Variants in BDNF observed in about 807,000 individuals in gnomAD.
The protein encoded by BDNF is brain derived neurotrophic factor.
BDNF carries 1 observed loss-of-function variant against 19.5 expected under a neutral mutation model. The observed-to-expected ratio is 0.05, with a 90% confidence interval of 0.02 to 0.24. The LOEUF (loss-of-function observed/expected upper bound fraction) is 0.24. Ranked by LOEUF, BDNF falls within the 10% of genes least tolerant of loss-of-function variation. The pLI is 1.00. For missense variants in BDNF, 195 were observed against 317.6 expected (o/e 0.61, Z 2.93); for synonymous variants, 100 against 121.6 (o/e 0.82, Z 1.17).
chr11:27,679,719 TA>T (rs1340683573), intron 1 of BDNF, among the ~76,000 whole-genome samples: 1 of 152,156 alleles, frequency 6.6e-6, no homozygotes, highest in Non-Finnish European at 1.5e-5. Flanking sequence ...AAACAATTCT[TA>T]AAAAACTATT....
At chr11:27,721,467 C>A in exon 1 of BDNF, 1 of 1,605,976 alleles carries the variant, frequency 6.2e-7, no homozygotes, top group Non-Finnish European at 8.5e-7. Context: ...GTCTCCCCAA[C>A]AGATGCTGGA....
chr11:27,673,118 T>G (rs1204653267), intron 1 of BDNF, among the ~76,000 whole-genome samples: 1 of 152,052 alleles, frequency 6.6e-6, no homozygotes, highest in Non-Finnish European at 1.5e-5. Context: ...AAAAGTACAG[T>G]GTAAACACAG....
At chr11:27,659,561 C>T (rs1480131464) in intron 1 of BDNF, 1 of 1,000,190 alleles carries the variant, frequency 1.0e-6, no homozygotes, top group Non-Finnish European at 1.2e-6. Flanking sequence ...CACTCCTTGG[C>T]TTTTTCTGGC....
At chr11:27,715,991 A>C (rs1465816376) in intron 1 of BDNF, among the ~76,000 whole-genome samples, 1 of 152,184 alleles carries the variant, frequency 6.6e-6, no homozygotes, top group Admixed American at 6.5e-5. Context: ...AAAAAAATCC[A>C]CCTGAATTTT....
intron 1 of BDNF, among the ~76,000 whole-genome samples, chr11:27,669,814 T>G (rs570867177): frequency 7.2e-5 from 11 of 152,242 alleles, no homozygotes; most frequent in African/African-American, 2.6e-4. Context: ...ATCAATATCA[T>G]GAAAATGGCC....
At chr11:27,700,912 C>G (rs376019229), upstream of BDNF, 1,391 of 1,325,692 alleles carry the variant, frequency 1.0e-3, 1 homozygote, top group Non-Finnish European at 1.2e-3. Context: ...CCCTTCCTCC[C>G]CATCCCAGCA....
intron 1 of BDNF, chr11:27,660,420 C>T: frequency 3.4e-6 from 1 of 297,056 alleles, no homozygotes; most frequent in Non-Finnish European, 6.3e-6. Context: ...CCGCTAACAA[C>T]TAAATCTTTG....
chr11:27,701,173 A>T (rs1859877294), upstream of BDNF: 1 of 1,205,054 alleles, frequency 8.3e-7, no homozygotes, highest in South Asian at 1.3e-5. Context: ...GCCCCCAGAT[A>T]ACGTTACACC....
intron 1 of BDNF, among the ~76,000 whole-genome samples, chr11:27,665,574 C>T (rs1393483169): frequency 6.6e-6 from 1 of 152,204 alleles, no homozygotes; most frequent in Non-Finnish European, 1.5e-5. Flanking sequence ...CACCCTAATA[C>T]TGTGCTTTTC....
intron 1 of BDNF, among the ~76,000 whole-genome samples, chr11:27,709,351 A>T (rs769740223): frequency 7.2e-5 from 11 of 152,198 alleles, no homozygotes; most frequent in Non-Finnish European, 1.6e-4. Context: ...GTGTCTCAAT[A>T]GTCATAAAGT....
At chr11:27,716,835 G>C (rs796593435) in intron 1 of BDNF, among the ~76,000 whole-genome samples, 3 of 152,142 alleles carry the variant, frequency 2.0e-5, no homozygotes, top group Admixed American at 6.5e-5. Flanking sequence ...CAGATTGTAA[G>C]CAATATGATC....
intron 1 of BDNF, among the ~76,000 whole-genome samples, chr11:27,680,214 C>T (rs1590348894): frequency 6.6e-6 from 1 of 152,234 alleles, no homozygotes; most frequent in East Asian, 1.9e-4. Flanking sequence ...ACCCAAAAAC[C>T]AACAATACAG....
intron 1 of BDNF, among the ~76,000 whole-genome samples, chr11:27,663,278 T>C (rs749542692): frequency 3.3e-5 from 5 of 152,260 alleles, no homozygotes; most frequent in Non-Finnish European, 7.3e-5. Context: ...AATAAATTCA[T>C]TGATGCTGTC....
chr11:27,691,512 CACAT>C (rs1159117793), intron 1 of BDNF, among the ~76,000 whole-genome samples: 1 of 152,178 alleles, frequency 6.6e-6, no homozygotes, highest in Non-Finnish European at 1.5e-5. Context: ...CACGCAAGAA[CACAT>C]ACAAACTATA....
At chr11:27,681,797 A>G (rs1313418427) in intron 1 of BDNF, among the ~76,000 whole-genome samples, 1 of 152,182 alleles carries the variant, frequency 6.6e-6, no homozygotes, top group African/African-American at 2.4e-5. Flanking sequence ...AGCATTTACT[A>G]TGCCAAGCAC....
intron 1 of BDNF, among the ~76,000 whole-genome samples, chr11:27,661,950 C>T (rs769048916): frequency 6.6e-6 from 1 of 152,180 alleles, no homozygotes; most frequent in Admixed American, 6.5e-5. Context: ...GCCTTCCTTC[C>T]CTAAAATTCC....
At chr11:27,701,988 G>T (rs1470205098), upstream of BDNF, among the ~76,000 whole-genome samples, 7 of 92,398 alleles carry the variant, frequency 7.6e-5, no homozygotes, top group African/African-American at 2.6e-4. Context: ...ACCACTGCCC[G>T]CAGCAAAAGA....
At chr11:27,664,610 C>T (rs1823353803) in intron 1 of BDNF, among the ~76,000 whole-genome samples, 1 of 152,112 alleles carries the variant, frequency 6.6e-6, no homozygotes, top group Admixed American at 6.6e-5. Context: ...GAGACCATGT[C>T]TCTACAAAAA....
At chr11:27,674,198 C>T in intron 1 of BDNF, 1 of 1,605,820 alleles carries the variant, frequency 6.2e-7, no homozygotes, top group Non-Finnish European at 8.5e-7. Context: ...TGTGGACCTG[C>T]AACCCTTTCT....
Sources: gnomAD v4.1 joint callset for allele counts (sites outside exome capture counted in the v4.1 genomes callset) on GRCh38, gnomAD v4.1.1 for gene constraint, MANE v1.5 for transcripts, NCBI Gene and HGNC (gene_info 2026-07-23, HGNC 2026-07-21) for gene names.